Variants in ZNF566 observed in about 807,000 individuals in gnomAD.
ZNF566 encodes the protein zinc finger protein 566.
ZNF566 carries 27 observed loss-of-function variants against 32.8 expected under a neutral mutation model. The observed-to-expected ratio is 0.82, with a 90% CI of 0.61 to 1.14. The LOEUF is 1.14. Among genes scored for constraint, ZNF566 ranks in the 50% most tolerant of loss-of-function variants. The pLI, the probability that ZNF566 is intolerant of heterozygous loss-of-function variation, is 0.00. For missense variants in ZNF566, 402 were observed against 490.4 expected (o/e 0.82, Z 1.70); for synonymous variants, 154 against 159.5 (o/e 0.97, Z 0.26).
intron 4 of ZNF566, among the ~76,000 whole-genome samples, chr19:36,465,615 G>A (rs1211281274): frequency 1.3e-5 from 2 of 152,032 alleles, no homozygotes; most frequent in East Asian, 1.9e-4. Context: ...GGGACTACAG[G>A]TGCCCGCCAC....
intron 4 of ZNF566, among the ~76,000 whole-genome samples, chr19:36,458,916 C>T (rs973705346): frequency 7.2e-5 from 11 of 152,038 alleles, no homozygotes; most frequent in Admixed American, 3.3e-4. Context: ...TGCAATGGCG[C>T]GATCTTGGCT....
At chr19:36,454,012 A>C (rs1335538122) in intron 4 of ZNF566, among the ~76,000 whole-genome samples, 4 of 152,208 alleles carry the variant, frequency 2.6e-5, no homozygotes, top group African/African-American at 9.6e-5. Context: ...TTTAGTAGAG[A>C]CAAAGTTTCA....
intron 4 of ZNF566, among the ~76,000 whole-genome samples, chr19:36,471,361 C>T (rs2033760745): frequency 6.6e-6 from 1 of 152,104 alleles, no homozygotes. Flanking sequence ...CCACTCCTGC[C>T]TCTTTGATCT....
At chr19:36,469,657 C>T (rs1382539477) in intron 4 of ZNF566, among the ~76,000 whole-genome samples, 3 of 151,930 alleles carry the variant, frequency 2.0e-5, no homozygotes, top group African/African-American at 7.3e-5. Context: ...AATAAATGAG[C>T]GAAAACATTT....
At position 36,487,913 on chromosome 19, in the gene ZNF566, AAAAAAAAAAAG is replaced by A. The variant is rs1461539396; in HGVS notation, c.-60+1562_-60+1572del. On this transcript the variant is annotated intron_variant, in intron 1 of 4. Transcript: ENST00000452939. ...ACTCTGTCTCAAAAAAAAAAAAAAAAAAAAAAAAAAGAATGGGTAAAACTAGTTAATGATAG... is the reference window on the plus strand; with the variant it reads ...ACTCTGTCTCAAAAAAAAAAAAAAAAAATGGGTAAAACTAGTTAATGATAG... 5.9e-4 allele frequency among the ~76,000 whole-genome samples: 78 copies of A among 131,698 alleles called. 1 individual carries two copies. The East Asian group carries it at 0.013, about 21-fold the overall frequency. 86.4% of individuals were successfully genotyped at this position (131,698 alleles called of 152,430 possible). A position where few individuals can be genotyped will look rare whatever the true frequency, so the allele number is the denominator to read the frequency against.
chr19:36,481,915 A>G (rs2034042331), intron 1 of ZNF566, among the ~76,000 whole-genome samples: 1 of 152,210 alleles, frequency 6.6e-6, no homozygotes, highest in South Asian at 2.1e-4. Flanking sequence ...TAACTGCCTG[A>G]GTGTTATCCA....
intron 4 of ZNF566, among the ~76,000 whole-genome samples, chr19:36,464,765 C>G (rs2033571177): frequency 6.6e-6 from 1 of 151,178 alleles, no homozygotes; most frequent in Admixed American, 6.6e-5. Flanking sequence ...CTTTTTCTGT[C>G]TTAAAAAAAA....
chr19:36,485,216 C>T (rs937515785), intron 1 of ZNF566, among the ~76,000 whole-genome samples: 2 of 144,160 alleles, frequency 1.4e-5, no homozygotes, highest in Non-Finnish European at 3.0e-5. Flanking sequence ...AGGAGGATGG[C>T]TTGAAAGCAG....
At chr19:36,453,492 TAAATA>T (rs1568510862) in intron 4 of ZNF566, among the ~76,000 whole-genome samples, 98 of 116,634 alleles carry the variant, frequency 8.4e-4, no homozygotes, top group African/African-American at 3.1e-3. Flanking sequence ...AATAAATAAA[TAAATA>T]AATAAATAAA....
At chr19:36,460,824 A>G (rs931377593) in intron 4 of ZNF566, among the ~76,000 whole-genome samples, 3 of 152,196 alleles carry the variant, frequency 2.0e-5, no homozygotes, top group Non-Finnish European at 4.4e-5. Context: ...AAAAAAATAT[A>G]TATTACTTCT....
chr19:36,454,546 T>C (rs1392654451), intron 4 of ZNF566, among the ~76,000 whole-genome samples: 1 of 152,038 alleles, frequency 6.6e-6, no homozygotes, highest in African/African-American at 2.4e-5. Flanking sequence ...GAGGGAGACC[T>C]CATCTTTAAA....
chr19:36,458,176 T>A (rs989357818), intron 4 of ZNF566, among the ~76,000 whole-genome samples: 2 of 152,152 alleles, frequency 1.3e-5, no homozygotes, highest in East Asian at 3.9e-4. Flanking sequence ...TCATTCATGA[T>A]AGCCAAGATA....
intron 1 of ZNF566, among the ~76,000 whole-genome samples, chr19:36,485,446 A>AT (rs1226657299): frequency 5.0e-5 from 4 of 80,296 alleles, no homozygotes; most frequent in African/African-American, 1.5e-4. Flanking sequence ...GACCTTGTCT[A>AT]TTAAAAAAAA....
intron 1 of ZNF566, among the ~76,000 whole-genome samples, chr19:36,477,410 A>C (rs1056183056): frequency 6.6e-6 from 1 of 151,954 alleles, no homozygotes; most frequent in African/African-American, 2.4e-5. Context: ...CCTTGTGCAT[A>C]TGTCATTTTA....
intron 4 of ZNF566, among the ~76,000 whole-genome samples, chr19:36,467,502 G>C (rs1345277601): frequency 1.4e-5 from 2 of 148,126 alleles, no homozygotes; most frequent in African/African-American, 5.0e-5. Context: ...AACTCATCAG[G>C]AAAGAAAAAT....
At chr19:36,471,516 G>A (rs967660138) in intron 4 of ZNF566, among the ~76,000 whole-genome samples, 3 of 152,102 alleles carry the variant, frequency 2.0e-5, no homozygotes, top group South Asian at 4.1e-4. Context: ...GCCCAGTACA[G>A]TAACTTACTA....
At chr19:36,473,108 G>A (rs2033805888) in intron 3 of ZNF566, 102 bp from the exon 4 acceptor site, 1 of 1,186,686 alleles carries the variant, frequency 8.4e-7, no homozygotes, top group Middle Eastern at 2.2e-4. Context: ...TATGAGAAGA[G>A]TCAAAGAGAG....
intron 1 of ZNF566, among the ~76,000 whole-genome samples, chr19:36,481,336 C>G (rs2967458): frequency 1.3e-5 from 2 of 149,198 alleles, no homozygotes; most frequent in Non-Finnish European, 3.0e-5. Flanking sequence ...CTGGGCGTGG[C>G]GGCACGCGCC....
At chr19:36,468,751 A>G (rs2033689576) in intron 4 of ZNF566, among the ~76,000 whole-genome samples, 2 of 151,718 alleles carry the variant, frequency 1.3e-5, no homozygotes. Flanking sequence ...CGTCTCTACA[A>G]AAAATACAAA....
Sources: gnomAD v4.1 joint callset for allele counts (sites outside exome capture counted in the v4.1 genomes callset) on GRCh38, gnomAD v4.1.1 for gene constraint, MANE v1.5 for transcripts, NCBI Gene and HGNC (gene_info 2026-07-23, HGNC 2026-07-21) for gene names.